Variants in HERC4 observed in about 807,000 individuals in gnomAD.
HERC4 encodes the protein probable E3 ubiquitin-protein ligase HERC4.
Under a neutral mutation model 124.3 loss-of-function variants are expected in HERC4, and 28 were observed. That is an observed-to-expected ratio of 0.23 (90% CI 0.17 to 0.31). The LOEUF (loss-of-function observed/expected upper bound fraction) is 0.31. Ranked by LOEUF, HERC4 falls within the 10% of genes least tolerant of loss-of-function variation. The pLI is 1.00. For synonymous variants in HERC4, 407 were observed against 421.5 expected (o/e 0.97, Z 0.42); for missense variants, 713 against 1,229.3 (o/e 0.58, Z 6.28).
chr10:67,932,586 T>G lies in HERC4; in HGVS notation c.2838+11A>C. ...TCCATTTAACAATATCAGAGATTAGTTTTCCCCTACCTTTTCCAGTTCCTT... is the reference window on the plus strand; with the variant it reads ...TCCATTTAACAATATCAGAGATTAGGTTTCCCCTACCTTTTCCAGTTCCTT... On this transcript the variant is annotated intron_variant, in intron 23 of 24. Coordinates refer to ENST00000373700, the MANE Select transcript of HERC4 (RefSeq NM_015601.4). 1 of 1,596,956 alleles carries G rather than the reference T, an allele frequency of 6.3e-7. No homozygotes were observed. Among genetic ancestry groups the G allele is most frequent in the African/African-American group, 1.4e-5 (1 of 73,784 alleles).
chr10:67,930,005 C>T (rs1423056834), intron 23 of HERC4, among the ~76,000 whole-genome samples: 1 of 152,064 alleles, frequency 6.6e-6, no homozygotes, highest in Non-Finnish European at 1.5e-5. Flanking sequence ...GGGGTTTCTC[C>T]ATGTTGGTCA....
chr10:68,016,428 C>A (rs1315158145), intron 8 of HERC4, among the ~76,000 whole-genome samples: 1 of 152,156 alleles, frequency 6.6e-6, no homozygotes, highest in Admixed American at 6.5e-5. Context: ...TCTTGGCTCA[C>A]TGCAACCTCC....
intron 19 of HERC4, among the ~76,000 whole-genome samples, chr10:67,951,835 A>G (rs542093410): frequency 7.6e-4 from 115 of 152,240 alleles, no homozygotes; most frequent in African/African-American, 2.6e-3. Flanking sequence ...CAATTCCTTC[A>G]TTCACAAACT....
In HERC4 at chr10:67,926,427, A is replaced by C. The variant is rs548062706; in HGVS notation, c.2839-1240T>G. Among the ~76,000 whole-genome samples, 923 of 149,852 alleles carry C rather than the reference A, an allele frequency of 6.2e-3. 13 individuals are homozygous for C. Among genetic ancestry groups the C allele is most frequent in the African/African-American group, 0.021 (859 of 41,102 alleles). ...AAAAAAATAAAAAATAAAAAAAAAA[A>C]AAAACAAAAAAATTAGTACTAAAAG... On this transcript the variant is annotated intron_variant, in intron 23 of 24. Coordinates refer to ENST00000373700, the MANE Select transcript of HERC4 (RefSeq NM_015601.4).
chr10:68,047,618 A>G (rs2040078219), intron 3 of HERC4, among the ~76,000 whole-genome samples: 1 of 152,210 alleles, frequency 6.6e-6, no homozygotes, highest in South Asian at 2.1e-4. Flanking sequence ...CAGGCATACA[A>G]ACAGATATTT....
chr10:67,987,283 T>C (rs1004327601), intron 15 of HERC4, among the ~76,000 whole-genome samples: 1 of 152,138 alleles, frequency 6.6e-6, no homozygotes, highest in Non-Finnish European at 1.5e-5. Flanking sequence ...CCCGCTTCTC[T>C]GCCCCTTCCA....
chr10:68,047,930 T>G (rs961228673), intron 3 of HERC4, among the ~76,000 whole-genome samples: 4 of 130,528 alleles, frequency 3.1e-5, no homozygotes, highest in Middle Eastern at 3.7e-3. Context: ...TTTGTTTTTG[T>G]TTTTTTTTTT....
intron 3 of HERC4, among the ~76,000 whole-genome samples, chr10:68,059,790 TATC>T (rs1368680090): frequency 1.1e-5 from 1 of 91,678 alleles, no homozygotes; most frequent in Non-Finnish European, 1.8e-5. Context: ...TAATATTATA[TATC>T]ATAATATTAT....
intron 15 of HERC4, among the ~76,000 whole-genome samples, chr10:67,985,157 T>C (rs1371840975): frequency 6.6e-6 from 1 of 152,186 alleles, no homozygotes; most frequent in Non-Finnish European, 1.5e-5. Context: ...CTCCCAAGTG[T>C]TCTCATAGCA....
intron 16 of HERC4, among the ~76,000 whole-genome samples, chr10:67,960,542 C>T (rs559968572): frequency 1.2e-4 from 18 of 152,252 alleles, no homozygotes; most frequent in African/African-American, 4.3e-4. Flanking sequence ...TGTGCCACCA[C>T]GCCTAGCTAA....
chr10:68,024,996 G>T (rs1312883223), intron 8 of HERC4, among the ~76,000 whole-genome samples: 1 of 152,038 alleles, frequency 6.6e-6, no homozygotes, highest in Non-Finnish European at 1.5e-5. Flanking sequence ...TTAACTGGTC[G>T]ATCTCTTCAC....
intron 9 of HERC4, chr10:67,994,999 C>T (rs984615496): frequency 2.7e-5 from 7 of 263,496 alleles, no homozygotes; most frequent in Non-Finnish European, 3.0e-5. Context: ...CCTTAATTTC[C>T]TTTTAATCAC....
intron 2 of HERC4, 95 bp from the exon 3 acceptor site, chr10:68,073,281 A>AAC (rs2041655939): frequency 1.7e-6 from 1 of 581,788 alleles, no homozygotes; most frequent in African/African-American, 1.9e-5. Flanking sequence ...CTACATGGTA[A>AAC]ACATTAAATA....
At chr10:67,996,318 C>T (rs1296719301) in intron 9 of HERC4, among the ~76,000 whole-genome samples, 5 of 151,950 alleles carry the variant, frequency 3.3e-5, no homozygotes, top group Non-Finnish European at 7.4e-5. Context: ...AATAGACACC[C>T]CCCCTGCCCC....
chr10:67,988,533 T>C (rs1045679290), intron 15 of HERC4, 130 bp downstream of exon 15: 1 of 607,090 alleles, frequency 1.6e-6, no homozygotes, highest in South Asian at 3.0e-5. Context: ...TATAGATAAC[T>C]TTTCCAAATT....
Position 68,025,819 on chromosome 10 carries a change from C to T in HERC4, c.778-143G>A, listed in dbSNP as rs558807250. ...TCTTCACAATTTAACAGACAGATGG[C>T]TCTTTCAAAGTAAAATGTCATAAAA... is the stretch of plus-strand genomic sequence containing the variant. On this transcript the variant is annotated intron_variant, in intron 7 of 24. Coordinates refer to ENST00000373700, the MANE Select transcript of HERC4 (RefSeq NM_015601.4). 7.3e-6 allele frequency: 5 copies of T among 684,850 alleles called. No homozygotes were observed. In the South Asian group the frequency reaches 1.5e-4, roughly 21 times the overall value. The allele number at this position is 684,850 out of a possible 1,614,324, so 42.4% of individuals were successfully genotyped here.
chr10:68,069,527 C>T, intron 3 of HERC4: 1 of 985,430 alleles, frequency 1.0e-6, no homozygotes, highest in Non-Finnish European at 1.2e-6. Context: ...AGAAACACCT[C>T]TTTTCAATAG....
At chr10:68,036,455 C>T (rs1309256200) in intron 5 of HERC4, among the ~76,000 whole-genome samples, 1 of 152,112 alleles carries the variant, frequency 6.6e-6, no homozygotes, top group Non-Finnish European at 1.5e-5. Flanking sequence ...GTTAGATCCA[C>T]CTACCAAAAT....
chr10:68,007,468 T>G (rs1338005473), intron 9 of HERC4, among the ~76,000 whole-genome samples: 1 of 152,088 alleles, frequency 6.6e-6, no homozygotes, highest in Non-Finnish European at 1.5e-5. Context: ...GTGCCTTATT[T>G]CATTGGTTTG....
Sources: allele counts gnomAD v4.1 joint callset (sites outside exome capture counted in the v4.1 genomes callset), GRCh38; gene constraint gnomAD v4.1.1; transcripts MANE v1.5; gene names NCBI Gene and HGNC (gene_info 2026-07-23, HGNC 2026-07-21).